Variants in DYNC1I2 observed in about 807,000 individuals in gnomAD.
The protein encoded by DYNC1I2 is cytoplasmic dynein 1 intermediate chain 2.
A neutral mutation model predicts 88.6 loss-of-function variants in DYNC1I2; 53 were observed. The observed-to-expected ratio is 0.60, with a 90% CI of 0.48 to 0.75. The LOEUF is 0.75. DYNC1I2 is among the 30% of genes least tolerant of loss of function. The probability of loss-of-function intolerance (pLI) is 0.00; values close to 1 mark genes in which losing one functional copy is unlikely to be tolerated. For missense variants in DYNC1I2, 458 were observed against 766.6 expected (o/e 0.60, Z 4.75); for synonymous variants, 198 against 254.6 (o/e 0.78, Z 2.12).
chr2:171,710,868 AC>A (rs1365754350), intron 5 of DYNC1I2, among the ~76,000 whole-genome samples: 7 of 142,100 alleles, frequency 4.9e-5, no homozygotes, highest in Admixed American at 4.9e-4. Flanking sequence ...ATACCCAGCT[AC>A]TTTTTTTTTT....
At chr2:171,701,554 A>G (rs1343386836) in intron 3 of DYNC1I2, among the ~76,000 whole-genome samples, 1 of 152,216 alleles carries the variant, frequency 6.6e-6, no homozygotes, top group Non-Finnish European at 1.5e-5. Flanking sequence ...GAAGAAAGAT[A>G]CCATTAAACT....
At chr2:171,731,449 A>G (rs1159659040) in intron 15 of DYNC1I2, among the ~76,000 whole-genome samples, 1 of 152,178 alleles carries the variant, frequency 6.6e-6, no homozygotes, top group Non-Finnish European at 1.5e-5. Flanking sequence ...GTTTTGTCAT[A>G]AAATTGACAA....
At chr2:171,734,773 A>G (rs367987516) in intron 15 of DYNC1I2, among the ~76,000 whole-genome samples, 4 of 152,310 alleles carry the variant, frequency 2.6e-5, no homozygotes, top group South Asian at 2.1e-4. Context: ...TCCAGTGTCA[A>G]TTTACACTTC....
At position 171,690,257 on chromosome 2, in the gene DYNC1I2, A is replaced by C; in HGVS notation, c.102A>C (p.Lys34Asn). The C allele has an allele frequency of 6.5e-7, 1 of 1,542,724 alleles. No homozygotes were observed. The highest frequency in any genetic ancestry group is 1.2e-5 in the South Asian group (1 of 81,400). The change falls in exon 2 of 18, where the codon AAA becomes AAC. Residue 34 changes from lysine to asparagine, a missense_variant. Lys to Asn is a moderately conservative substitution (Grantham distance 94, BLOSUM62 0). Around this residue, in one of 5 missense-constraint regions of DYNC1I2, gnomAD observed 55 missense variants for 57.1 expected, o/e 0.96. Coordinates refer to ENST00000397119, the MANE Select transcript of DYNC1I2 (RefSeq NM_001378.3). ...AGAGAAAAGAAGAAGAAAGGAAAAA[A>C]AAAGAAGTATGTTTGATTTTTTTGC... ...EKKRKEEERK[K>N]KETDQKKEAV...
intron 4 of DYNC1I2, 63 bp from the exon 5 acceptor site, chr2:171,707,224 C>T (rs766414774): frequency 6.2e-6 from 10 of 1,604,954 alleles, no homozygotes; most frequent in African/African-American, 1.3e-5. Flanking sequence ...ATTTTTGAAA[C>T]GTCATAAGCT....
chr2:171,694,988 C>G (rs1401918328), intron 3 of DYNC1I2, among the ~76,000 whole-genome samples: 1 of 152,120 alleles, frequency 6.6e-6, no homozygotes, highest in Non-Finnish European at 1.5e-5. Flanking sequence ...CTTGAAAGAC[C>G]ATTCTTTAGG....
chr2:171,692,328 T>C (rs1235909366), intron 2 of DYNC1I2, among the ~76,000 whole-genome samples: 1 of 152,198 alleles, frequency 6.6e-6, no homozygotes, highest in Admixed American at 6.5e-5. Context: ...TGATACTCTT[T>C]TTCAACAAAT....
At chr2:171,746,120 A>G (rs1469170556) in intron 17 of DYNC1I2, among the ~76,000 whole-genome samples, 193 bp downstream of exon 17, 1 of 152,202 alleles carries the variant, frequency 6.6e-6, no homozygotes, top group African/African-American at 2.4e-5. Context: ...TCTGTTTCCC[A>G]TGCAACAGAT....
rs575723994 is a variant in DYNC1I2, at chr2:171,689,161, A to G, written c.-9-986A>G. ...TGTAATGTTAAGGTCATTCTGCTGG[A>G]TGTTGTGAAGGCAACAAAAATAACT... On this transcript the variant is annotated intron_variant, in intron 1 of 17. Coordinates refer to ENST00000397119, the MANE Select transcript of DYNC1I2 (RefSeq NM_001378.3). Among the ~76,000 whole-genome samples the G allele has an allele frequency of 4.9e-4, 75 of 152,308 alleles. No homozygotes were observed. In the South Asian group the frequency reaches 6.4e-3, roughly 13 times the overall value.
chr2:171,738,248 C>A (rs1191897394), intron 15 of DYNC1I2, among the ~76,000 whole-genome samples: 1 of 151,946 alleles, frequency 6.6e-6, no homozygotes, highest in African/African-American at 2.4e-5. Context: ...AGGAGAATTG[C>A]CAGAACCCGA....
chr2:171,692,194 G>A (rs145565509), intron 2 of DYNC1I2, among the ~76,000 whole-genome samples: 45 of 152,136 alleles, frequency 3.0e-4, no homozygotes, highest in African/African-American at 1.1e-3. Context: ...GTGCTAAAAC[G>A]ATAAATAGCC....
intron 13 of DYNC1I2, 80 bp downstream of exon 13, chr2:171,728,498 A>G: frequency 3.2e-6 from 3 of 947,284 alleles, no homozygotes; most frequent in Non-Finnish European, 4.7e-6. Flanking sequence ...TATGTTTCTC[A>G]TAAACTGTTT....
intron 15 of DYNC1I2, among the ~76,000 whole-genome samples, chr2:171,732,747 G>A (rs1401058454): frequency 6.6e-6 from 1 of 152,214 alleles, no homozygotes; most frequent in Non-Finnish European, 1.5e-5. Context: ...AGCCATGTAA[G>A]TTGCTAGATT....
At chr2:171,710,339 G>A (rs1687025124) in intron 5 of DYNC1I2, among the ~76,000 whole-genome samples, 1 of 152,120 alleles carries the variant, frequency 6.6e-6, no homozygotes, top group Admixed American at 6.6e-5. Context: ...CAAACACGAT[G>A]TTAATGTAAG....
At chr2:171,738,886 C>T (rs1239995861) in intron 15 of DYNC1I2, among the ~76,000 whole-genome samples, 2 of 152,118 alleles carry the variant, frequency 1.3e-5, no homozygotes, top group African/African-American at 2.4e-5. Context: ...TGGTGGCTCA[C>T]GCCTGTAATC....
intron 11 of DYNC1I2, 116 bp downstream of exon 11, chr2:171,727,032 C>T (rs1460887930): frequency 9.8e-6 from 11 of 1,127,740 alleles, no homozygotes; most frequent in Non-Finnish European, 8.4e-6. Context: ...TGGCATTTTA[C>T]TAAACCACTC....
chr2:171,689,141 T>C (rs1433311646), intron 1 of DYNC1I2, among the ~76,000 whole-genome samples: 1 of 152,224 alleles, frequency 6.6e-6, no homozygotes. Flanking sequence ...TCAATTGTAA[T>C]GTTAAGGTCA....
intron 5 of DYNC1I2, among the ~76,000 whole-genome samples, chr2:171,708,855 G>C (rs1686886390): frequency 6.6e-6 from 1 of 151,854 alleles, no homozygotes. Flanking sequence ...ATCATGCCTG[G>C]CTAATTTTTG....
chr2:171,689,208 A>C (rs150862337), intron 1 of DYNC1I2, among the ~76,000 whole-genome samples: 1 of 152,346 alleles, frequency 6.6e-6, no homozygotes, highest in Non-Finnish European at 1.5e-5. Flanking sequence ...CCTGATTTCA[A>C]GTACATTACA....
Sources: gnomAD v4.1 joint callset for allele counts (sites outside exome capture counted in the v4.1 genomes callset) on GRCh38, gnomAD v4.1.1 for gene constraint, gnomAD v4.1.1 regional missense constraint, MANE v1.5 for transcripts, NCBI Gene and HGNC (gene_info 2026-07-23, HGNC 2026-07-21) for gene names.